Variants in CFAP47 observed in about 807,000 individuals in gnomAD.
The protein encoded by CFAP47 is cilia and flagella associated protein 47, also known as cilia- and flagella-associated protein 47.
In CFAP47, 29 loss-of-function variants were observed where a neutral mutation model predicts 148.1. That is an observed-to-expected ratio of 0.20 (90% confidence interval 0.15 to 0.27). The LOEUF (loss-of-function observed/expected upper bound fraction) is 0.27, where lower values mean the gene tolerates loss of function less well. CFAP47 is among the 10% of genes least tolerant of loss of function. CFAP47 has a pLI of 1.00. For synonymous variants in CFAP47, 664 were observed against 577.3 expected, an observed-to-expected ratio of 1.15 and a Z score of -2.15; for missense variants, 1,872 against 1,697.5, an observed-to-expected ratio of 1.10 and a Z score of -1.81.
intron 2 of CFAP47, among the ~76,000 whole-genome samples, chrX:35,936,060 T>A (rs1441285213): frequency 8.9e-6 from 1 of 112,096 alleles, no homozygotes; most frequent in African/African-American, 3.2e-5. Flanking sequence ...TTGCCAAGTT[T>A]TGGAAGTTTT....
At chrX:36,243,013 G>A (rs187527125) in intron 48 of CFAP47, among the ~76,000 whole-genome samples, 2 of 111,621 alleles carry the variant, frequency 1.8e-5, no homozygotes, top group East Asian at 5.6e-4. Context: ...GAAGAAATTG[G>A]TGGTAGTGGT....
chrX:36,051,288 G>T (rs1376718635), intron 26 of CFAP47, among the ~76,000 whole-genome samples: 2 of 111,406 alleles, frequency 1.8e-5, no homozygotes, highest in Non-Finnish European at 3.8e-5. Flanking sequence ...CTGACAGCTT[G>T]CACCATGCAC....
chrX:36,261,831 G>T (rs1227458245), intron 49 of CFAP47, among the ~76,000 whole-genome samples: 2 of 111,476 alleles, frequency 1.8e-5, no homozygotes, highest in African/African-American at 6.6e-5. Context: ...TTCTCAATGA[G>T]CTGTTGGGTA....
chrX:36,162,405 A>T (rs1386601858), intron 39 of CFAP47, among the ~76,000 whole-genome samples: 2 of 111,710 alleles, frequency 1.8e-5, no homozygotes. Context: ...TTGAATAAGA[A>T]GGAATTTGAC....
chrX:36,245,987 C>A (rs983391900), intron 48 of CFAP47, among the ~76,000 whole-genome samples: 2 of 111,405 alleles, frequency 1.8e-5, no homozygotes, highest in African/African-American at 6.5e-5. Context: ...AGCTTGAGCA[C>A]CTTTCTCAAC....
intron 37 of CFAP47, among the ~76,000 whole-genome samples, chrX:36,154,553 C>T (rs1939344430): frequency 8.9e-6 from 1 of 112,022 alleles, no homozygotes; most frequent in Admixed American, 9.5e-5. Context: ...CCAGAATCAC[C>T]CTTTTAGGTA....
At chrX:35,963,560 A>C (rs781690066) in intron 8 of CFAP47, among the ~76,000 whole-genome samples, 1 of 110,987 alleles carries the variant, frequency 9.0e-6, no homozygotes, top group Non-Finnish European at 1.9e-5. Context: ...CAATCCATTT[A>C]TATGTAATGT....
chrX:36,292,414 A>T (rs782700181), intron 51 of CFAP47, among the ~76,000 whole-genome samples: 1 of 111,923 alleles, frequency 8.9e-6, no homozygotes, highest in Admixed American at 9.5e-5. Flanking sequence ...TTGTTTACTG[A>T]CTTGATAATG....
chrX:36,378,863 G>A (rs190746111), intron 62 of CFAP47, among the ~76,000 whole-genome samples: 1 of 110,537 alleles, frequency 9.0e-6, no homozygotes, highest in African/African-American at 3.3e-5. Context: ...CCAGGCTGGA[G>A]TGCAATGGCA....
chrX:36,166,836 G>T (rs1234347619), intron 39 of CFAP47, among the ~76,000 whole-genome samples: 1 of 111,452 alleles, frequency 9.0e-6, no homozygotes, highest in East Asian at 2.8e-4. Context: ...CACACACATA[G>T]TGTTAAGGCT....
intron 44 of CFAP47, among the ~76,000 whole-genome samples, chrX:36,202,616 G>C (rs111967733): frequency 9.0e-6 from 1 of 110,616 alleles, no homozygotes; most frequent in Non-Finnish European, 1.9e-5. Flanking sequence ...GGTGTCTCAC[G>C]CCTGTAATCC....
chrX:36,176,356 C>G (rs767263829), intron 39 of CFAP47, among the ~76,000 whole-genome samples: 31 of 112,426 alleles, frequency 2.8e-4, no homozygotes, highest in African/African-American at 1.0e-3. Context: ...CTGTAATTCT[C>G]TGCCTTTCTT....
intron 49 of CFAP47, among the ~76,000 whole-genome samples, chrX:36,255,496 A>T (rs1199850230): frequency 1.8e-5 from 2 of 110,915 alleles, no homozygotes; most frequent in African/African-American, 6.6e-5. Flanking sequence ...TGTGTTGATC[A>T]GTCATTGAAA....
rs1939419739 is a variant in CFAP47, at chrX:36,160,751, A to C, written c.6008A>C (p.His2003Pro). ...EVTVNVKNPFHTAGDFSVILV... is the reference protein window; with the variant it reads ...EVTVNVKNPFPTAGDFSVILV... ...ACTGTAAATGTGAAAAACCCCTTCC[A>C]TACGGCTGGGGACTTCAGGTAAGTT... Residue 2003 changes from histidine to proline, a missense_variant, in exon 39 of 64, where the codon CAT becomes CCT. Physicochemically the swap from His to Pro is moderately conservative, Grantham distance 77. Coordinates refer to ENST00000378653, the MANE Select transcript of CFAP47 (RefSeq NM_001304548.2). The C allele has an allele frequency of 3.4e-6, 1 of 293,972 alleles. No individual in the cohort carries two copies. 24.2% of individuals were successfully genotyped at this position (293,972 alleles called of 1,213,427 possible). A position where few individuals can be genotyped will look rare whatever the true frequency, so the allele number is the denominator to read the frequency against.
intron 33 of CFAP47, among the ~76,000 whole-genome samples, chrX:36,127,308 A>G (rs1370911161): frequency 8.9e-6 from 1 of 111,950 alleles, no homozygotes; most frequent in African/African-American, 3.2e-5. Flanking sequence ...AGTTTTCTGC[A>G]TATGGCTAGC....
intron 29 of CFAP47, among the ~76,000 whole-genome samples, chrX:36,083,619 G>A (rs542519509): frequency 1.8e-5 from 2 of 111,255 alleles, no homozygotes; most frequent in South Asian, 3.7e-4. Flanking sequence ...TAACAATAAT[G>A]AGATATTCTA....
chrX:36,290,674 T>C (rs1556005427), intron 51 of CFAP47, among the ~76,000 whole-genome samples: 2 of 112,493 alleles, frequency 1.8e-5, no homozygotes, highest in Non-Finnish European at 3.7e-5. Flanking sequence ...ATAAAAGTCT[T>C]ACTGGCTAGT....
At position 35,948,431 on chromosome X, in the gene CFAP47, G is replaced by T. The variant is rs941369539; in HGVS notation, c.635G>T (p.Arg212Ile). The T allele has an allele frequency of 8.3e-7, 1 of 1,203,820 alleles. No homozygotes were observed. The highest frequency in any genetic ancestry group is 2.3e-4 in the Middle Eastern group (1 of 4,319). ...GTAGATTTCTGTGCAGACCAGCCAAGAATTGTAGATGAAGAGGCAATGTGA... is the reference window on the plus strand; with the variant it reads ...GTAGATTTCTGTGCAGACCAGCCAATAATTGTAGATGAAGAGGCAATGTGA... ...IKVDFCADQP[R>I]IVDEEAIVIL... The change falls in exon 4 of 64, where the codon AGA (arginine) becomes ATA (isoleucine). Residue 212 changes from arginine to isoleucine, a missense_variant. Transcript: ENST00000378653.
intron 29 of CFAP47, among the ~76,000 whole-genome samples, chrX:36,081,221 C>T (rs1258497103): frequency 4.5e-5 from 5 of 111,527 alleles, no homozygotes; most frequent in South Asian, 3.7e-4. Context: ...ATGAACACTT[C>T]GGTGCACAAG....
Sources: gnomAD v4.1 joint callset for allele counts (sites outside exome capture counted in the v4.1 genomes callset) on GRCh38, gnomAD v4.1.1 for gene constraint, MANE v1.5 for transcripts, NCBI Gene and HGNC (gene_info 2026-07-23, HGNC 2026-07-21) for gene names.